KDM6A: variants seen among roughly 807,000 people sequenced by gnomAD.
The protein encoded by KDM6A is lysine-specific demethylase 6A.
A neutral mutation model predicts 117.6 loss-of-function variants in KDM6A; 11 were observed. The observed-to-expected ratio is 0.09, with a 90% CI of 0.06 to 0.15. KDM6A has a LOEUF of 0.15. KDM6A is among the 10% of genes least tolerant of loss of function. The probability of loss-of-function intolerance (pLI) is 1.00; values close to 1 mark genes in which losing one functional copy is unlikely to be tolerated. For synonymous variants in KDM6A, 384 were observed against 396.1 expected (o/e 0.97, Z 0.36); for missense variants, 799 against 1,077.3 (o/e 0.74, Z 3.62).
Position 45,063,305 on chromosome X carries a change from A to G in KDM6A, c.1684-117A>G, listed in dbSNP as rs1459874183. On this transcript the variant is annotated intron_variant, in intron 16 of 29. Transcript: ENST00000611820. Reference sequence around the variant, plus strand: ...AAATTAAGCATTTGGGTAAAATCACACATTCCCTAATTATACATCTTCATA... The same window carrying G: ...AAATTAAGCATTTGGGTAAAATCACGCATTCCCTAATTATACATCTTCATA... 4.5e-6 allele frequency: 3 copies of G among 670,456 alleles called. No individual in the cohort carries two copies. The Admixed American group carries it at 7.1e-5, about 16-fold the overall frequency. 55.3% of individuals were successfully genotyped at this position (670,456 alleles called of 1,213,427 possible).
rs573473459 is a variant in KDM6A at position 44,982,283 on chromosome X, T to C, written c.384+7568T>C. Among the ~76,000 whole-genome samples, 46 of 111,600 alleles carry C rather than the reference T, an allele frequency of 4.1e-4. No individual in the cohort carries two copies. In the Middle Eastern group the frequency reaches 0.018, roughly 45 times the overall value. ...GATATGTATTTTTTTGTACATTGAT[T>C]GATTAAAGTATTTGTGGGTACAGTT... On this transcript the variant is annotated intron_variant, in intron 4 of 29. Coordinates refer to ENST00000611820, the MANE Select transcript of KDM6A (RefSeq NM_001291415.2).
chrX:44,966,863 C>CTT (rs1484301376), intron 3 of KDM6A, among the ~76,000 whole-genome samples: 15 of 94,010 alleles, frequency 1.6e-4, no homozygotes, highest in African/African-American at 6.4e-4. Flanking sequence ...AATTCTCTCT[C>CTT]TCTCTCTTTT....
intron 2 of KDM6A, among the ~76,000 whole-genome samples, chrX:44,929,078 G>A (rs189784003): frequency 2.7e-5 from 3 of 110,032 alleles, no homozygotes; most frequent in African/African-American, 9.9e-5. Context: ...CTACAGGTGC[G>A]CGCCACCACA....
intron 2 of KDM6A, among the ~76,000 whole-genome samples, chrX:44,893,356 A>G: frequency 9.0e-6 from 1 of 111,671 alleles, no homozygotes; most frequent in Non-Finnish European, 1.9e-5. Context: ...AACATTTGTT[A>G]AGTTTATACC....
At chrX:44,945,574 G>A (rs1033842260) in intron 2 of KDM6A, among the ~76,000 whole-genome samples, 6 of 110,605 alleles carry the variant, frequency 5.4e-5, no homozygotes, top group African/African-American at 2.0e-4. Context: ...TGACACTAGT[G>A]GGTTGGTATT....
intron 2 of KDM6A, among the ~76,000 whole-genome samples, chrX:44,893,475 C>T (rs73200183): frequency 0.02 from 2,166 of 107,272 alleles, 22 homozygotes; most frequent in Non-Finnish European, 0.03. Flanking sequence ...ATTTTTGTAT[C>T]CTGCAACCTT....
chrX:44,915,157 A>G (rs1381620140), intron 2 of KDM6A, among the ~76,000 whole-genome samples: 1 of 111,904 alleles, frequency 8.9e-6, no homozygotes, highest in African/African-American at 3.3e-5. Context: ...CGGTGATAAT[A>G]CGGTGAATAT....
chrX:44,910,137 A>G (rs1011262276), intron 2 of KDM6A, among the ~76,000 whole-genome samples: 35 of 112,394 alleles, frequency 3.1e-4, no homozygotes, highest in Middle Eastern at 4.6e-3. Context: ...TTGTCTTCCT[A>G]ATTAGAATGT....
chrX:45,082,609 C>A lies in KDM6A; in HGVS notation c.3334C>A (p.His1112Asn). The change falls in exon 22 of 30, where the codon CAC becomes AAC. Residue 1112 changes from histidine (H) to asparagine (N), a missense_variant. Physicochemically the swap from His to Asn is moderately conservative, Grantham distance 68 (BLOSUM62 1). Transcript: ENST00000611820. ...TGAAAAAAGAAGTCATCATAAAGAC[C>A]ACTCAGATAGTGAATCTACATCGTC... is the stretch of plus-strand genomic sequence containing the variant. The part of the protein sequence containing the change: ...ENEKRSHHKD[H>N]SDSESTSSDN... 1 of 1,195,252 alleles carries A rather than the reference C, an allele frequency of 8.4e-7. No individual in the cohort carries two copies. The highest frequency in any genetic ancestry group is 1.1e-6 in the Non-Finnish European group (1 of 881,922).
chrX:44,884,650 C>T (rs1225725224), intron 2 of KDM6A, among the ~76,000 whole-genome samples: 4 of 111,630 alleles, frequency 3.6e-5, no homozygotes, highest in Non-Finnish European at 5.6e-5. Flanking sequence ...TTGGAAGAGA[C>T]GAGTTTAAAC....
chrX:44,960,592 G>A (rs1056220561), intron 2 of KDM6A, among the ~76,000 whole-genome samples: 4 of 111,586 alleles, frequency 3.6e-5, no homozygotes, highest in Non-Finnish European at 5.7e-5. Context: ...GGTTCTTTCC[G>A]TTGTTCATTT....
intron 4 of KDM6A, among the ~76,000 whole-genome samples, chrX:45,000,548 A>G (rs953377344): frequency 8.9e-6 from 1 of 112,301 alleles, no homozygotes; most frequent in African/African-American, 3.2e-5. Flanking sequence ...GGTCCACCAC[A>G]ATACCACCAC....
chrX:44,981,819 C>G (rs927968707), intron 4 of KDM6A, among the ~76,000 whole-genome samples: 4 of 111,856 alleles, frequency 3.6e-5, no homozygotes, highest in African/African-American at 9.7e-5. Context: ...CAGTAGCTCA[C>G]CCAGTAATAA....
chrX:45,050,115 G>A (rs1414983133), intron 8 of KDM6A, among the ~76,000 whole-genome samples: 5 of 112,982 alleles, frequency 4.4e-5, no homozygotes, highest in African/African-American at 9.6e-5. Flanking sequence ...CAAGGCGGGC[G>A]GATCACCTGA....
chrX:44,990,571 T>TAAATAAAG (rs2040524520), intron 4 of KDM6A, among the ~76,000 whole-genome samples: 1 of 109,461 alleles, frequency 9.1e-6, no homozygotes, highest in Non-Finnish European at 1.9e-5. Flanking sequence ...AATAAATAAA[T>TAAATAAAG]AAATAAATAA....
intron 2 of KDM6A, among the ~76,000 whole-genome samples, chrX:44,928,024 GA>G (rs984911195): frequency 1.8e-5 from 2 of 110,703 alleles, no homozygotes; most frequent in Non-Finnish European, 3.8e-5. Flanking sequence ...GAAACAGACT[GA>G]AAAAAAGCCT....
intron 8 of KDM6A, among the ~76,000 whole-genome samples, chrX:45,042,290 A>T (rs1460799672): frequency 2.8e-5 from 1 of 36,190 alleles, no homozygotes; most frequent in Non-Finnish European, 4.1e-5. Flanking sequence ...GAGAGGGGAG[A>T]GGGGAGAGGG....
rs555736647 is a variant in KDM6A at position 45,016,948 on chromosome X, A to G, written c.444-3662A>G. On this transcript the variant is annotated intron_variant, in intron 5 of 29. Coordinates refer to ENST00000611820, the MANE Select transcript of KDM6A (RefSeq NM_001291415.2). ...ATGACCATTGTGAAATATATTCAGC[A>G]CATGTATATGTTTTTTGTAGGTAGT... Among the ~76,000 whole-genome samples the G allele has an allele frequency of 4.5e-4, 50 of 111,975 alleles. 1 individual carries two copies. The highest frequency in any genetic ancestry group is 2.0e-3 in the East Asian group (7 of 3,587).
chrX:45,018,545 A>G (rs1270642422), intron 5 of KDM6A, among the ~76,000 whole-genome samples: 2 of 111,833 alleles, frequency 1.8e-5, no homozygotes, highest in Non-Finnish European at 3.8e-5. Context: ...AAAGGCACCC[A>G]TGGAGTAAAA....
Sources: allele counts gnomAD v4.1 joint callset (sites outside exome capture counted in the v4.1 genomes callset), GRCh38; gene constraint gnomAD v4.1.1; transcripts MANE v1.5; gene names NCBI Gene and HGNC (gene_info 2026-07-23, HGNC 2026-07-21).